The following SLC26A4 variants were observed in gnomAD, a reference collection of about 807,000 sequenced individuals.
SLC26A4 encodes the protein pendrin.
Under a neutral mutation model 90.4 loss-of-function variants are expected in SLC26A4, and 93 were observed. That is an observed-to-expected ratio of 1.03 (90% CI 0.87 to 1.22). The LOEUF (loss-of-function observed/expected upper bound fraction) is 1.22. SLC26A4 is among the 50% of genes most tolerant of loss of function. The pLI is 0.00. For synonymous variants in SLC26A4, 393 were observed against 354.6 expected (o/e 1.11, Z -1.22); for missense variants, 1,127 against 946.2 (o/e 1.19, Z -2.51).
chr7:107,692,197 C>T, intron 10 of SLC26A4: 1 of 653,232 alleles, frequency 1.5e-6, no homozygotes, highest in Non-Finnish European at 2.1e-6. Context: ...TGAAGGATGC[C>T]AGGATTTCAG....
intron 20 of SLC26A4, 53 bp from the exon 21 acceptor site, chr7:107,715,370 A>G: frequency 6.9e-7 from 1 of 1,440,714 alleles, no homozygotes; most frequent in Non-Finnish European, 9.8e-7. Flanking sequence ...GATAATGCAG[A>G]CTTAAGGAGA....
chr7:107,691,587 A>G (rs1242145244), intron 10 of SLC26A4, among the ~76,000 whole-genome samples: 1 of 151,528 alleles, frequency 6.6e-6, no homozygotes, highest in Non-Finnish European at 1.5e-5. Context: ...ATATACGAGA[A>G]TAACTGAAAA....
At chr7:107,679,835 T>C (rs972202903) in intron 6 of SLC26A4, among the ~76,000 whole-genome samples, 9 of 135,870 alleles carry the variant, frequency 6.6e-5, no homozygotes, top group African/African-American at 2.5e-4. Flanking sequence ...AATCTTATAT[T>C]ATTATATAAT....
chr7:107,677,674 T>G (rs1264636915), intron 6 of SLC26A4, among the ~76,000 whole-genome samples: 3 of 151,594 alleles, frequency 2.0e-5, no homozygotes, highest in Admixed American at 1.3e-4. Flanking sequence ...AGCACAGTCA[T>G]AGCTCACTGC....
intron 5 of SLC26A4, 98 bp from the exon 6 acceptor site, chr7:107,674,847 A>T: frequency 1.8e-6 from 2 of 1,137,212 alleles, no homozygotes; most frequent in Non-Finnish European, 2.7e-6. Context: ...GCAGGCTACT[A>T]GTGTTTTCAT....
chr7:107,695,801 TG>T, intron 12 of SLC26A4, 131 bp from the exon 13 acceptor site: 2 of 677,578 alleles, frequency 3.0e-6, no homozygotes, highest in Non-Finnish European at 5.4e-6. Context: ...CAATAGAGTG[TG>T]ACCCTATCTC....
At chr7:107,670,596 CG>C (rs1790839149) in intron 3 of SLC26A4, among the ~76,000 whole-genome samples, 1 of 152,108 alleles carries the variant, frequency 6.6e-6, no homozygotes, top group South Asian at 2.1e-4. Context: ...CATAGAATTA[CG>C]AAGTATGAAG....
intron 6 of SLC26A4, among the ~76,000 whole-genome samples, chr7:107,681,631 T>C (rs917623981): frequency 3.3e-5 from 5 of 152,192 alleles, no homozygotes; most frequent in African/African-American, 1.2e-4. Context: ...CCTTCTTAAA[T>C]CCTGCCTTCT....
chr7:107,687,471 A>G (rs1021568900), intron 8 of SLC26A4, among the ~76,000 whole-genome samples: 2 of 152,194 alleles, frequency 1.3e-5, no homozygotes, highest in Admixed American at 1.3e-4. Flanking sequence ...TGTAGACACT[A>G]ATTACTTACT....
In SLC26A4 at chr7:107,663,441, A is replaced by T. The variant is rs772238752; in HGVS notation, c.304+6A>T. The T allele has an allele frequency of 1.9e-6, 3 of 1,613,848 alleles. No individual in the cohort carries two copies. The highest frequency in any genetic ancestry group is 2.5e-6 in the Non-Finnish European group (3 of 1,179,878). ...GCTAGTGGCCACGCTGCAAGGTAAG[A>T]TGTTGGCAGATTGAGAGTTCTGGTC... On this transcript the variant is annotated splice_donor_region_variant and intron_variant, in intron 3 of 20. Transcript: ENST00000644269.
chr7:107,680,617 A>T (rs993958417), intron 6 of SLC26A4, among the ~76,000 whole-genome samples: 11 of 151,642 alleles, frequency 7.3e-5, no homozygotes, highest in Admixed American at 1.3e-4. Context: ...ACTACTCAAT[A>T]TGTAGGCAAC....
intron 6 of SLC26A4, among the ~76,000 whole-genome samples, chr7:107,682,057 G>T (rs1386483142): frequency 7.0e-6 from 1 of 142,744 alleles, no homozygotes; most frequent in Non-Finnish European, 1.5e-5. Flanking sequence ...AGGATTGCTT[G>T]AGCTCAGGAG....
At chr7:107,693,157 G>A in intron 10 of SLC26A4, 1 of 253,642 alleles carries the variant, frequency 3.9e-6, no homozygotes, top group African/African-American at 2.3e-5. Flanking sequence ...GAGAGGAAGG[G>A]AAGGGATATG....
chr7:107,683,348 A>G lies in SLC26A4; in HGVS notation c.912A>G (p.Val304=). 1 of 1,613,650 alleles carries G rather than the reference A, an allele frequency of 6.2e-7. No individual in the cohort carries two copies. The highest frequency in any genetic ancestry group is 8.5e-7 in the Non-Finnish European group (1 of 1,179,600). The change falls in exon 7 of 21, where the codon GTA becomes GTG. Residue 304 remains valine (V), a synonymous_variant. Transcript: ENST00000644269. ...HKIPVPIPIE[V]IVTIIATAIS... ...TCCCAGTCCCTATTCCTATAGAAGTAATTGTGGTAAGTAGAATATGTAGTT... is the reference window on the plus strand; with the variant it reads ...TCCCAGTCCCTATTCCTATAGAAGTGATTGTGGTAAGTAGAATATGTAGTT...
intron 6 of SLC26A4, among the ~76,000 whole-genome samples, 197 bp downstream of exon 6, chr7:107,675,306 A>C (rs1451876772): frequency 7.4e-6 from 1 of 135,602 alleles, no homozygotes; most frequent in African/African-American, 2.8e-5. Flanking sequence ...AAAAAAAAAA[A>C]GAAAGAAAGA....
chr7:107,690,274 A>G (rs957316262), intron 10 of SLC26A4, 37 bp downstream of exon 10: 6 of 1,239,092 alleles, frequency 4.8e-6, no homozygotes, highest in Non-Finnish European at 7.2e-6. Context: ...ATCTCAGAGA[A>G]CAAGTCGAGG....
chr7:107,682,130 A>G (rs911133258), intron 6 of SLC26A4, among the ~76,000 whole-genome samples: 7 of 73,410 alleles, frequency 9.5e-5, no homozygotes, highest in African/African-American at 3.5e-4. Flanking sequence ...AAAAAAAAAA[A>G]TTTTTTTTAT....
chr7:107,688,400 G>A (rs773778964), intron 8 of SLC26A4, among the ~76,000 whole-genome samples: 14 of 152,142 alleles, frequency 9.2e-5, no homozygotes, highest in Non-Finnish European at 1.6e-4. Context: ...AGAGAACCTC[G>A]TGGTATAATG....
chr7:107,700,750 C>CAGAGGA (rs1161729061), intron 15 of SLC26A4, among the ~76,000 whole-genome samples: 2 of 152,182 alleles, frequency 1.3e-5, no homozygotes, highest in Admixed American at 6.5e-5. Context: ...CAAACTGATT[C>CAGAGGA]AGAGGAATGT....
Sources: gnomAD v4.1 joint callset for allele counts (sites outside exome capture counted in the v4.1 genomes callset) on GRCh38, gnomAD v4.1.1 for gene constraint, MANE v1.5 for transcripts, NCBI Gene and HGNC (gene_info 2026-07-23, HGNC 2026-07-21) for gene names.